The following ARHGEF3 variants were observed in gnomAD, a reference collection of about 807,000 sequenced individuals.
ARHGEF3 encodes the protein Rho guanine nucleotide exchange factor 3, also known as 59.8 kDA protein.
A neutral mutation model predicts 63.2 loss-of-function variants in ARHGEF3; 28 were observed. The observed-to-expected ratio is 0.44, with a 90% CI of 0.33 to 0.61. ARHGEF3 has a LOEUF of 0.61. Among genes scored for constraint, ARHGEF3 ranks in the 20% least tolerant of loss-of-function variants. The pLI, the probability that ARHGEF3 is intolerant of heterozygous loss-of-function variation, is 0.03. For synonymous variants in ARHGEF3, 266 were observed against 254.2 expected (o/e 1.05, Z -0.44); for missense variants, 533 against 659.3 (o/e 0.81, Z 2.10).
chr3:56,825,739 A>C (rs982356144), intron 4 of ARHGEF3, among the ~76,000 whole-genome samples: 1 of 152,200 alleles, frequency 6.6e-6, no homozygotes. Context: ...CAATTATTTA[A>C]GAGCTTCAAG....
At chr3:56,853,432 G>T (rs2039745126) in intron 4 of ARHGEF3, among the ~76,000 whole-genome samples, 1 of 152,202 alleles carries the variant, frequency 6.6e-6, no homozygotes, top group Non-Finnish European at 1.5e-5. Context: ...TGTCTCCTGG[G>T]TTCAAGCAAT....
intron 2 of ARHGEF3, among the ~76,000 whole-genome samples, chr3:56,773,451 ATGTC>A (rs2036114706): frequency 6.6e-6 from 1 of 152,184 alleles, no homozygotes; most frequent in Non-Finnish European, 1.5e-5. Context: ...GCGTGAGAGT[ATGTC>A]TGGATGGGGC....
chr3:56,802,207 C>A (rs2037696614), upstream of ARHGEF3, among the ~76,000 whole-genome samples: 1 of 152,188 alleles, frequency 6.6e-6, no homozygotes, highest in Non-Finnish European at 1.5e-5. Flanking sequence ...CATGATAGCT[C>A]CTTTCGGGCT....
At chr3:56,764,073 G>A (rs975610246) in intron 2 of ARHGEF3, among the ~76,000 whole-genome samples, 1 of 147,406 alleles carries the variant, frequency 6.8e-6, no homozygotes, top group African/African-American at 2.5e-5. Flanking sequence ...ATGGTAAAAG[G>A]GCACCCAATT....
intron 4 of ARHGEF3, among the ~76,000 whole-genome samples, chr3:56,860,187 T>C (rs1325370593): frequency 6.6e-6 from 1 of 152,208 alleles, no homozygotes; most frequent in African/African-American, 2.4e-5. Context: ...TTTTTATTTT[T>C]ATTTTTTAGA....
chr3:56,774,151 G>C (rs2036164657), intron 1 of ARHGEF3, among the ~76,000 whole-genome samples: 1 of 152,158 alleles, frequency 6.6e-6, no homozygotes, highest in Non-Finnish European at 1.5e-5. Flanking sequence ...CTTCTGTAGA[G>C]AAAAGCAGTG....
At chr3:56,733,614 C>T (rs372213461) in intron 8 of ARHGEF3, among the ~76,000 whole-genome samples, 12 of 152,278 alleles carry the variant, frequency 7.9e-5, no homozygotes, top group African/African-American at 2.6e-4. Flanking sequence ...AAGTCATTAT[C>T]AGCTTTATTC....
intron 4 of ARHGEF3, among the ~76,000 whole-genome samples, chr3:56,817,346 C>A (rs1392699): frequency 6.6e-6 from 1 of 152,160 alleles, no homozygotes; most frequent in Non-Finnish European, 1.5e-5. Context: ...GAACGAATCT[C>A]TTCAAAACCC....
intron 3 of ARHGEF3, chr3:56,916,363 C>T (rs1376506926): frequency 1.8e-5 from 28 of 1,534,414 alleles, no homozygotes; most frequent in Non-Finnish European, 2.4e-5. Context: ...ACCTCATCCA[C>T]CCGGACTCAC....
At chr3:56,978,443 C>T (rs1170623416) in intron 2 of ARHGEF3, among the ~76,000 whole-genome samples, 1 of 152,124 alleles carries the variant, frequency 6.6e-6, no homozygotes, top group Non-Finnish European at 1.5e-5. Flanking sequence ...AAAAAGAAAA[C>T]TGAAATGCTT....
At chr3:56,892,779 C>T (rs541545842) in intron 3 of ARHGEF3, among the ~76,000 whole-genome samples, 2 of 152,340 alleles carry the variant, frequency 1.3e-5, no homozygotes, top group African/African-American at 2.4e-5. Flanking sequence ...CTCGTGTTCC[C>T]GCTTTCTCCT....
In ARHGEF3 at chr3:56,745,202, T is replaced by C. The variant is rs1188349634; in HGVS notation, c.870+3A>G. On this transcript the variant is annotated splice_donor_region_variant and intron_variant, in intron 7 of 9. Transcript: ENST00000296315. ...AGAGAGAGAAGGAAACAGACAAACT[T>C]ACAGCTTCTTCCAAGTGCTGCTGAT... The C allele has an allele frequency of 1.9e-6, 3 of 1,611,132 alleles. No individual in the cohort carries two copies. Among genetic ancestry groups the C allele is most frequent in the Non-Finnish European group, 1.7e-6 (2 of 1,178,054 alleles).
intron 4 of ARHGEF3, among the ~76,000 whole-genome samples, chr3:56,870,712 T>A (rs989701444): frequency 6.6e-6 from 1 of 152,104 alleles, no homozygotes; most frequent in African/African-American, 2.4e-5. Context: ...AGACTATGTA[T>A]ACATCGACTT....
chr3:56,737,392 A>G (rs1314341540), intron 7 of ARHGEF3, 37 bp from the exon 8 acceptor site: 1 of 1,556,132 alleles, frequency 6.4e-7, no homozygotes, highest in East Asian at 2.2e-5. Flanking sequence ...TATGGAGGAA[A>G]GCAGCAAACC....
intron 2 of ARHGEF3, among the ~76,000 whole-genome samples, chr3:56,981,683 C>T (rs1452361685): frequency 1.3e-5 from 2 of 152,214 alleles, no homozygotes; most frequent in South Asian, 2.1e-4. Context: ...CAGCTGACCA[C>T]CCTCATTTAG....
At chr3:56,915,368 A>G (rs865842844) in intron 3 of ARHGEF3, among the ~76,000 whole-genome samples, 6 of 152,254 alleles carry the variant, frequency 3.9e-5, no homozygotes, top group Middle Eastern at 3.4e-3. Context: ...CGGGAGGCTG[A>G]GGCAAGAGGA....
At chr3:56,735,303 A>G (rs1428954819) in intron 8 of ARHGEF3, among the ~76,000 whole-genome samples, 1 of 152,036 alleles carries the variant, frequency 6.6e-6, no homozygotes. Flanking sequence ...AAACAAACAA[A>G]CAAACAAAAA....
chr3:56,878,070 C>T (rs1011810231), intron 4 of ARHGEF3, among the ~76,000 whole-genome samples: 10 of 152,250 alleles, frequency 6.6e-5, no homozygotes, highest in African/African-American at 2.2e-4. Flanking sequence ...TTTTACATTA[C>T]TTTATCATTG....
intron 1 of ARHGEF3, among the ~76,000 whole-genome samples, chr3:56,780,550 G>C (rs1469991296): frequency 6.6e-6 from 1 of 152,150 alleles, no homozygotes; most frequent in African/African-American, 2.4e-5. Context: ...TTTCCCACTA[G>C]TGTCCTTTTT....
Sources: allele counts gnomAD v4.1 joint callset (sites outside exome capture counted in the v4.1 genomes callset), GRCh38; gene constraint gnomAD v4.1.1; transcripts MANE v1.5; gene names NCBI Gene and HGNC (gene_info 2026-07-23, HGNC 2026-07-21).